The following LHFPL3 variants were observed in gnomAD, a reference collection of about 807,000 sequenced individuals.
LHFPL3 encodes the protein LHFPL tetraspan subfamily member 3 protein.
In LHFPL3, 5 loss-of-function variants were observed where a neutral mutation model predicts 19.3. The observed-to-expected ratio is 0.26, with a 90% confidence interval of 0.14 to 0.54. The LOEUF is 0.54. Among genes scored for constraint, LHFPL3 ranks in the 20% least tolerant of loss-of-function variants. LHFPL3 has a pLI of 0.94. For missense variants in LHFPL3, 249 were observed against 307.4 expected, an observed-to-expected ratio of 0.81 and a Z score of 1.42; for synonymous variants, 133 against 126.2, an observed-to-expected ratio of 1.05 and a Z score of -0.36.
At chr7:104,685,040 C>G (rs1465469910) in intron 1 of LHFPL3, among the ~76,000 whole-genome samples, 1 of 152,276 alleles carries the variant, frequency 6.6e-6, no homozygotes, top group South Asian at 2.1e-4. Context: ...AATAAGTTGT[C>G]TTTCCTTCTC....
intron 1 of LHFPL3, among the ~76,000 whole-genome samples, chr7:104,389,219 G>C (rs1395242395): frequency 6.6e-6 from 1 of 152,160 alleles, no homozygotes; most frequent in East Asian, 1.9e-4. Context: ...TTGTATTTCT[G>C]TACACTAGTA....
At chr7:104,858,246 C>G (rs912202925) in intron 2 of LHFPL3, among the ~76,000 whole-genome samples, 3 of 152,136 alleles carry the variant, frequency 2.0e-5, no homozygotes, top group Non-Finnish European at 4.4e-5. Context: ...CAAGAGCAGA[C>G]CTACCTTGGG....
chr7:104,901,238 T>C (rs1792477025), intron 2 of LHFPL3, among the ~76,000 whole-genome samples: 1 of 152,218 alleles, frequency 6.6e-6, no homozygotes, highest in Non-Finnish European at 1.5e-5. Flanking sequence ...ATGTGCATAC[T>C]ATCTAAGTAG....
chr7:104,430,150 A>G (rs1791928993), intron 1 of LHFPL3, among the ~76,000 whole-genome samples: 1 of 151,592 alleles, frequency 6.6e-6, no homozygotes, highest in Admixed American at 6.6e-5. Flanking sequence ...TCGTGCAGGG[A>G]AAACATCCTT....
intron 2 of LHFPL3, among the ~76,000 whole-genome samples, chr7:104,779,739 C>A (rs1037431944): frequency 6.6e-6 from 1 of 152,196 alleles, no homozygotes; most frequent in Non-Finnish European, 1.5e-5. Context: ...TATGCGCTGG[C>A]CACTGCCAAA....
At chr7:104,706,378 C>T (rs1377574146) in intron 1 of LHFPL3, among the ~76,000 whole-genome samples, 1 of 152,096 alleles carries the variant, frequency 6.6e-6, no homozygotes, top group East Asian at 1.9e-4. Context: ...GATGACTCAG[C>T]ATCCCTCATA....
At chr7:104,377,158 A>G (rs1790731651) in intron 1 of LHFPL3, among the ~76,000 whole-genome samples, 1 of 152,160 alleles carries the variant, frequency 6.6e-6, no homozygotes, top group Admixed American at 6.5e-5. Context: ...ACATCTTGTA[A>G]AGTTCCATGC....
intron 1 of LHFPL3, among the ~76,000 whole-genome samples, chr7:104,609,332 C>A (rs59489169): frequency 0.45 from 67,828 of 151,934 alleles, 15,338 homozygotes; most frequent in South Asian, 0.52. Flanking sequence ...ATTTAAACTC[C>A]TGTATTTTTA....
chr7:104,439,287 T>G (rs1391001453), intron 1 of LHFPL3, among the ~76,000 whole-genome samples: 3 of 152,132 alleles, frequency 2.0e-5, no homozygotes, highest in Non-Finnish European at 4.4e-5. Context: ...AGAAATTTCC[T>G]GACAAATTTT....
At chr7:104,790,299 G>A (rs1390850603) in intron 2 of LHFPL3, among the ~76,000 whole-genome samples, 1 of 152,158 alleles carries the variant, frequency 6.6e-6, no homozygotes, top group Non-Finnish European at 1.5e-5. Flanking sequence ...AAAATCAAGA[G>A]GTTTCTAGAG....
chr7:104,815,532 C>G (rs1790546568), intron 2 of LHFPL3, among the ~76,000 whole-genome samples: 1 of 152,144 alleles, frequency 6.6e-6, no homozygotes, highest in Non-Finnish European at 1.5e-5. Flanking sequence ...ATAAGAAGAC[C>G]ACTTGAGCAG....
chr7:104,868,696 G>T (rs1791775228), intron 2 of LHFPL3, among the ~76,000 whole-genome samples: 1 of 151,950 alleles, frequency 6.6e-6, no homozygotes, highest in Non-Finnish European at 1.5e-5. Flanking sequence ...AGCTACCAAT[G>T]ACTTTCTTCA....
At chr7:104,763,905 T>C (rs1359939830) in intron 2 of LHFPL3, among the ~76,000 whole-genome samples, 2 of 152,222 alleles carry the variant, frequency 1.3e-5, no homozygotes, top group African/African-American at 4.8e-5. Context: ...GTAGATTCTG[T>C]TAACTAATCC....
chr7:104,418,055 T>C (rs1332880338), intron 1 of LHFPL3, among the ~76,000 whole-genome samples: 1 of 151,892 alleles, frequency 6.6e-6, no homozygotes. Context: ...TTTGCATTTT[T>C]AGTAGAGACA....
chr7:104,368,366 A>C (rs1420849354), intron 1 of LHFPL3, among the ~76,000 whole-genome samples: 2 of 152,178 alleles, frequency 1.3e-5, no homozygotes, highest in Admixed American at 1.3e-4. Flanking sequence ...AAAAAAAGGG[A>C]CCTGAACGGT....
intron 1 of LHFPL3, among the ~76,000 whole-genome samples, chr7:104,736,142 GA>G (rs890129227): frequency 1.3e-5 from 2 of 151,340 alleles, no homozygotes; most frequent in African/African-American, 2.4e-5. Flanking sequence ...AAAGGAAGGA[GA>G]AAAAAAACAA....
In LHFPL3 at chr7:104,433,021, T is replaced by G. The variant is rs549164214; in HGVS notation, c.445+103797T>G. The stretch of plus-strand genomic sequence containing the variant: ...TTTTGGTCTCGGGTAAGCTTTGCAC[T>G]GTTAAAATTTATTGAGGATGCCAAA... On this transcript the variant is annotated intron_variant, in intron 1 of 2. Transcript: ENST00000424859. 9.8e-5 allele frequency among the ~76,000 whole-genome samples: 15 copies of G among 152,338 alleles called. No homozygotes were observed. The South Asian group carries it at 3.1e-3, about 32-fold the overall frequency.
chr7:104,884,019 T>C (rs17173), intron 2 of LHFPL3, among the ~76,000 whole-genome samples: 104,523 of 152,038 alleles, frequency 0.69, 36,835 homozygotes, highest in East Asian at 0.97. Context: ...ACAAGGCTTC[T>C]GGGTCTAGCC....
intron 1 of LHFPL3, among the ~76,000 whole-genome samples, chr7:104,607,611 C>A (rs1054103637): frequency 6.6e-6 from 1 of 152,000 alleles, no homozygotes; most frequent in Admixed American, 6.6e-5. Flanking sequence ...TCTAAAACAC[C>A]AAAAGCAATG....
Sources: gnomAD v4.1 joint callset for allele counts (sites outside exome capture counted in the v4.1 genomes callset) on GRCh38, gnomAD v4.1.1 for gene constraint, MANE v1.5 for transcripts, NCBI Gene and HGNC (gene_info 2026-07-23, HGNC 2026-07-21) for gene names.